The following ROBO1 variants were observed in gnomAD, a reference collection of about 807,000 sequenced individuals.
ROBO1 encodes the protein roundabout guidance receptor 1.
A neutral mutation model predicts 195.9 loss-of-function variants in ROBO1; 149 were observed. The observed-to-expected ratio is 0.76, with a 90% CI of 0.67 to 0.87. The LOEUF is 0.87. ROBO1 is among the 40% of genes least tolerant of loss of function. The pLI is 0.00. For missense variants in ROBO1, 1,933 were observed against 2,068.3 expected (o/e 0.93, Z 1.27); for synonymous variants, 816 against 733.2 (o/e 1.11, Z -1.82).
At chr3:79,173,955 T>A (rs569319642) in intron 2 of ROBO1, among the ~76,000 whole-genome samples, 16 of 152,248 alleles carry the variant, frequency 1.1e-4, no homozygotes, top group Middle Eastern at 3.4e-3. Flanking sequence ...GCTACTCTGG[T>A]GGGGACTTGG....
intron 3 of ROBO1, among the ~76,000 whole-genome samples, chr3:79,065,647 A>G (rs2078991525): frequency 6.6e-6 from 1 of 151,982 alleles, no homozygotes; most frequent in Non-Finnish European, 1.5e-5. Context: ...TTAAGCTTCA[A>G]TAAGGATCAT....
chr3:78,815,849 C>A (rs936076812), intron 4 of ROBO1, among the ~76,000 whole-genome samples: 4 of 152,034 alleles, frequency 2.6e-5, no homozygotes, highest in Admixed American at 2.0e-4. Flanking sequence ...AGTTTTAAAC[C>A]CGTCAGTGTC....
intron 3 of ROBO1, among the ~76,000 whole-genome samples, chr3:78,939,311 A>C (rs1465077460): frequency 6.6e-6 from 1 of 152,140 alleles, no homozygotes; most frequent in Non-Finnish European, 1.5e-5. Flanking sequence ...AACATCAGTC[A>C]ACACTTCAAC....
intron 2 of ROBO1, among the ~76,000 whole-genome samples, chr3:79,172,567 T>C (rs2081186427): frequency 6.6e-6 from 1 of 152,306 alleles, no homozygotes; most frequent in African/African-American, 2.4e-5. Flanking sequence ...TTTGGAACAA[T>C]CCTAGAAACT....
At chr3:78,870,234 A>G (rs2107133614) in intron 4 of ROBO1, among the ~76,000 whole-genome samples, 1 of 152,280 alleles carries the variant, frequency 6.6e-6, no homozygotes, top group South Asian at 2.1e-4. Flanking sequence ...AGAGGTCCTG[A>G]CCCAACCCCG....
At chr3:79,353,583 G>C (rs1033671922) in intron 2 of ROBO1, among the ~76,000 whole-genome samples, 1 of 152,074 alleles carries the variant, frequency 6.6e-6, no homozygotes, top group Non-Finnish European at 1.5e-5. Context: ...CAATCCAAGC[G>C]TGTGGACATG....
intron 4 of ROBO1, among the ~76,000 whole-genome samples, chr3:78,914,446 C>A (rs1384593768): frequency 6.6e-6 from 1 of 151,822 alleles, no homozygotes; most frequent in Non-Finnish European, 1.5e-5. Flanking sequence ...TTATAATGCC[C>A]CTAAGAACTA....
At chr3:78,880,442 T>G (rs573874472) in intron 4 of ROBO1, among the ~76,000 whole-genome samples, 2 of 152,116 alleles carry the variant, frequency 1.3e-5, no homozygotes, top group African/African-American at 4.8e-5. Flanking sequence ...ACTTACTGAA[T>G]AGGGTAACTT....
chr3:79,661,672 T>G (rs1489264313), intron 1 of ROBO1, among the ~76,000 whole-genome samples: 2 of 152,022 alleles, frequency 1.3e-5, no homozygotes, highest in African/African-American at 2.4e-5. Flanking sequence ...CAGAGACAGG[T>G]GTACATTTAG....
intron 1 of ROBO1, among the ~76,000 whole-genome samples, chr3:79,735,475 G>A (rs1703338995): frequency 1.3e-5 from 2 of 152,160 alleles, no homozygotes; most frequent in Non-Finnish European, 2.9e-5. Flanking sequence ...CTGTTATTTG[G>A]AGAAAGTCAT....
At chr3:79,000,964 C>T (rs2077487758) in intron 3 of ROBO1, among the ~76,000 whole-genome samples, 1 of 152,210 alleles carries the variant, frequency 6.6e-6, no homozygotes, top group East Asian at 1.9e-4. Flanking sequence ...AGTACATGTC[C>T]TTTGCAGGGA....
At chr3:79,520,157 C>CA (rs111705222) in intron 2 of ROBO1, among the ~76,000 whole-genome samples, 2,835 of 96,374 alleles carry the variant, frequency 0.029, 54 homozygotes, top group East Asian at 0.06. Context: ...AAGATTCTAT[C>CA]AAAAAAAAAA....
chr3:78,611,334 C>T (rs558806108), intron 28 of ROBO1, among the ~76,000 whole-genome samples: 122 of 152,204 alleles, frequency 8.0e-4, no homozygotes, highest in Non-Finnish European at 1.5e-3. Flanking sequence ...TTTAAATCAA[C>T]TATGTAAATG....
At chr3:79,285,545 G>A (rs1195454209) in intron 2 of ROBO1, among the ~76,000 whole-genome samples, 4 of 152,142 alleles carry the variant, frequency 2.6e-5, no homozygotes, top group East Asian at 3.9e-4. Context: ...CCAGAGGCAC[G>A]AAAGAAGTCT....
At chr3:79,180,896 G>A (rs572981171) in intron 2 of ROBO1, among the ~76,000 whole-genome samples, 3 of 152,226 alleles carry the variant, frequency 2.0e-5, no homozygotes, top group South Asian at 2.1e-4. Context: ...CATTCAGAAC[G>A]CACTTTCCTG....
chr3:78,999,440 G>A (rs2077446476), intron 3 of ROBO1, among the ~76,000 whole-genome samples: 1 of 152,014 alleles, frequency 6.6e-6, no homozygotes, highest in Non-Finnish European at 1.5e-5. Context: ...ATTTACACAG[G>A]AACAGAAAAC....
intron 2 of ROBO1, among the ~76,000 whole-genome samples, chr3:79,412,071 G>A (rs1055130020): frequency 2.6e-5 from 4 of 152,024 alleles, no homozygotes; most frequent in African/African-American, 7.2e-5. Context: ...TGTCACAGAC[G>A]AACCTGAAGG....
intron 22 of ROBO1, among the ~76,000 whole-genome samples, chr3:78,636,351 C>T (rs2107534646): frequency 6.6e-6 from 1 of 152,142 alleles, no homozygotes; most frequent in East Asian, 1.9e-4. Context: ...TCTGATAGTG[C>T]TGAAGTAAAC....
intron 2 of ROBO1, among the ~76,000 whole-genome samples, chr3:79,161,693 AG>A (rs1288550013): frequency 6.6e-6 from 1 of 152,138 alleles, no homozygotes; most frequent in African/African-American, 2.4e-5. Context: ...TAAACAAACA[AG>A]TACTTTAAAA....
Sources: gnomAD v4.1 joint callset for allele counts (sites outside exome capture counted in the v4.1 genomes callset) on GRCh38, gnomAD v4.1.1 for gene constraint, MANE v1.5 for transcripts, NCBI Gene and HGNC (gene_info 2026-07-23, HGNC 2026-07-21) for gene names.